Variants in DYM observed in about 807,000 individuals in gnomAD.
DYM encodes dyggve-Melchior-Clausen syndrome protein.
In DYM, 78 loss-of-function variants were observed where a neutral mutation model predicts 93.1. The ratio of observed to expected loss-of-function variants is 0.84; its 90% CI spans 0.70 to 1.01. The LOEUF (loss-of-function observed/expected upper bound fraction) is 1.01. Among genes scored for constraint, DYM ranks in the 50% least tolerant of loss-of-function variants. The pLI, the probability that DYM is intolerant of heterozygous loss-of-function variation, is 0.00. For synonymous variants in DYM, 321 were observed against 319.7 expected, an observed-to-expected ratio of 1.00 and a Z score of -0.04; for missense variants, 789 against 845.0, an observed-to-expected ratio of 0.93 and a Z score of 0.82.
intron 5 of DYM, among the ~76,000 whole-genome samples, chr18:49,364,609 C>T (rs1460717789): frequency 6.6e-6 from 1 of 152,128 alleles, no homozygotes; most frequent in African/African-American, 2.4e-5. Context: ...TGGCTTAGAT[C>T]TTTTCAATTA....
intron 17 of DYM, among the ~76,000 whole-genome samples, chr18:49,050,180 G>A (rs747769701): frequency 4.0e-5 from 6 of 149,410 alleles, no homozygotes; most frequent in East Asian, 2.0e-4. Flanking sequence ...TCCGCCTCCC[G>A]GGTTCAAGCA....
chr18:49,097,360 G>A, intron 17 of DYM, 42 bp downstream of exon 17: 1 of 1,559,678 alleles, frequency 6.4e-7, no homozygotes, highest in Non-Finnish European at 8.8e-7. Flanking sequence ...TTACATCAAG[G>A]GACACGGCAG....
chr18:49,289,772 T>TAA (rs1555678772), intron 8 of DYM, among the ~76,000 whole-genome samples: 8 of 36,636 alleles, frequency 2.2e-4, no homozygotes, highest in Non-Finnish European at 3.5e-4. Flanking sequence ...TATATATATA[T>TAA]ACACATATAT....
At chr18:49,309,557 C>T (rs777185082) in intron 8 of DYM, among the ~76,000 whole-genome samples, 1 of 152,126 alleles carries the variant, frequency 6.6e-6, no homozygotes, top group Non-Finnish European at 1.5e-5. Context: ...ATAGCTTGAG[C>T]CCAGGAAGCT....
intron 14 of DYM, among the ~76,000 whole-genome samples, chr18:49,189,683 C>T (rs2090786162): frequency 6.6e-6 from 1 of 152,158 alleles, no homozygotes; most frequent in African/African-American, 2.4e-5. Flanking sequence ...GATCATCTTT[C>T]TGTAGAACCA....
intron 13 of DYM, among the ~76,000 whole-genome samples, chr18:49,239,765 A>G (rs555766936): frequency 6.6e-6 from 1 of 152,346 alleles, no homozygotes; most frequent in East Asian, 1.9e-4. Context: ...GATGGCAAAC[A>G]AGAGACCACA....
At chr18:49,295,831 T>TA (rs545463703) in intron 8 of DYM, among the ~76,000 whole-genome samples, 1,741 of 147,108 alleles carry the variant, frequency 0.012, 44 homozygotes, top group South Asian at 0.083. Context: ...CATGCTTTGC[T>TA]AAAAAAAAAA....
chr18:49,214,437 C>T (rs971555861), intron 13 of DYM, among the ~76,000 whole-genome samples: 14 of 152,016 alleles, frequency 9.2e-5, no homozygotes, highest in African/African-American at 3.4e-4. Context: ...CAAAACCATC[C>T]CCTGTTCTGC....
chr18:49,228,887 A>G (rs1297169599), intron 13 of DYM, among the ~76,000 whole-genome samples: 1 of 152,106 alleles, frequency 6.6e-6, no homozygotes, highest in Non-Finnish European at 1.5e-5. Flanking sequence ...GAAGACCTAA[A>G]TTCTGATGAA....
At chr18:49,065,412 A>G (rs1391438297) in intron 17 of DYM, among the ~76,000 whole-genome samples, 1 of 152,080 alleles carries the variant, frequency 6.6e-6, no homozygotes, top group Non-Finnish European at 1.5e-5. Flanking sequence ...GCCCAGGCTG[A>G]AGTGCAATGG....
chr18:49,350,658 A>C (rs2065028115), intron 6 of DYM, among the ~76,000 whole-genome samples: 1 of 150,788 alleles, frequency 6.6e-6, no homozygotes, highest in Admixed American at 6.6e-5. Flanking sequence ...GTGAGCCAAG[A>C]TCTCACCATT....
rs1186784003 is a variant in DYM at position 49,214,215 on chromosome 18, T to G, written c.1461-4500A>C. 3.9e-5 allele frequency among the ~76,000 whole-genome samples: 6 copies of G among 152,330 alleles called. No homozygotes were observed. The East Asian group carries it at 9.6e-4, about 24-fold the overall frequency. The stretch of plus-strand genomic sequence containing the variant: ...CTACATAGCAGTAGGTGAGTGGCAG[T>G]TGAATGAGCAAAGCTTCATCTGTAT... On this transcript the variant is annotated intron_variant, in intron 13 of 17. Coordinates refer to ENST00000675505, the MANE Select transcript of DYM (RefSeq NM_001353214.3).
intron 17 of DYM, among the ~76,000 whole-genome samples, chr18:49,091,256 G>A (rs1283367376): frequency 6.6e-6 from 1 of 152,078 alleles, no homozygotes; most frequent in Non-Finnish European, 1.5e-5. Context: ...TGGCCTCCTG[G>A]AGCTTACATT....
intron 2 of DYM, among the ~76,000 whole-genome samples, chr18:49,426,466 AG>A (rs1191667207): frequency 6.6e-6 from 1 of 151,876 alleles, no homozygotes; most frequent in African/African-American, 2.4e-5. Flanking sequence ...TAATGGGTGC[AG>A]CACATCAACA....
chr18:49,121,741 G>A (rs2082401411), intron 15 of DYM, among the ~76,000 whole-genome samples: 1 of 152,162 alleles, frequency 6.6e-6, no homozygotes, highest in Admixed American at 6.5e-5. Context: ...GCTGACTTAG[G>A]AGAACCGATG....
intron 14 of DYM, among the ~76,000 whole-genome samples, chr18:49,172,644 A>G (rs1350597388): frequency 6.6e-6 from 1 of 152,122 alleles, no homozygotes; most frequent in Non-Finnish European, 1.5e-5. Flanking sequence ...TATTCTGGAT[A>G]CAAGTTCTTT....
intron 13 of DYM, among the ~76,000 whole-genome samples, chr18:49,224,268 G>GA (rs2093456388): frequency 6.6e-6 from 1 of 152,028 alleles, no homozygotes; most frequent in Non-Finnish European, 1.5e-5. Context: ...TTCCATTTTC[G>GA]ACATGCTGAG....
chr18:49,322,803 A>G (rs919550532), intron 8 of DYM, among the ~76,000 whole-genome samples: 4 of 152,154 alleles, frequency 2.6e-5, no homozygotes, highest in African/African-American at 9.7e-5. Context: ...AATAGTGACC[A>G]TTTATTGTAT....
chr18:49,333,867 AAAAC>A lies in DYM; in HGVS notation c.495-18_495-15del. On this transcript the variant is annotated splice_polypyrimidine_tract_variant and intron_variant, in intron 6 of 17. Transcript: ENST00000675505. ...TATGTAATATCTCTAAAATGGAAGA[AAAAC>A]AGAGTAACAGTCACTTTGGAAGATT... 1 of 1,601,426 alleles carries A rather than the reference AAAAC, an allele frequency of 6.2e-7. No homozygotes were observed. The highest frequency in any genetic ancestry group is 8.5e-7 in the Non-Finnish European group (1 of 1,171,430).
Sources: allele counts gnomAD v4.1 joint callset (sites outside exome capture counted in the v4.1 genomes callset), GRCh38; gene constraint gnomAD v4.1.1; transcripts MANE v1.5; gene names NCBI Gene and HGNC (gene_info 2026-07-23, HGNC 2026-07-21).